Variants in RNF44 observed in about 807,000 individuals in gnomAD.
RNF44 encodes the protein ring finger protein 44.
A neutral mutation model predicts 53.6 loss-of-function variants in RNF44; 25 were observed. That is an observed-to-expected ratio of 0.47 (90% CI 0.34 to 0.65). RNF44 has a LOEUF of 0.65. Among genes scored for constraint, RNF44 ranks in the 30% least tolerant of loss-of-function variants. RNF44 has a pLI of 0.01. For missense variants in RNF44, 581 were observed against 595.5 expected (o/e 0.98, Z 0.25); for synonymous variants, 282 against 252.2 (o/e 1.12, Z -1.12).
chr5:176,530,710 G>A lies in RNF44; in HGVS notation c.673C>T (p.Arg225Cys), dbSNP rs1337040118. ...CTGCCCAGGGAGGGCTGGTCCCCAC[G>A]CAGGTCCACGTCGTTGTCGAGCCGC... Reference protein sequence around the residue: ...LQRLDNDVDLRGDQPSLGSFT... With the variant: ...LQRLDNDVDLCGDQPSLGSFT... Residue 225 changes from arginine to cysteine, a missense_variant, in exon 6 of 11, where the codon CGT becomes TGT. Transcript: ENST00000274811. 8.4e-6 allele frequency: 13 copies of A among 1,549,948 alleles called. No individual in the cohort carries two copies. The highest frequency in any genetic ancestry group is 1.7e-4 in the Middle Eastern group (1 of 5,846).
At position 176,537,377 on chromosome 5, in the gene RNF44, G is replaced by A. The variant is rs965053053; in HGVS notation, c.-482C>T. On this transcript the variant is annotated 5_prime_UTR_variant, in exon 1 of 11. Coordinates refer to ENST00000274811, the MANE Select transcript of RNF44 (RefSeq NM_014901.5). ...TCGCGGGGGCGCGCCGGGAGGCTCC[G>A]GCAAACAGTAGCCCGCTGCAAGCCC... 3.3e-5 allele frequency: 5 copies of A among 152,206 alleles called. No homozygotes were observed. The highest frequency in any genetic ancestry group is 1.2e-4 in the African/African-American group (5 of 41,450). The allele number at this position is 152,206 out of a possible 1,614,324, so 9.4% of individuals were successfully genotyped here.
upstream of RNF44, among the ~76,000 whole-genome samples, chr5:176,540,197 G>C (rs1757417354): frequency 6.6e-6 from 1 of 152,106 alleles, no homozygotes; most frequent in Non-Finnish European, 1.5e-5. Flanking sequence ...GAAGGGGTTT[G>C]GCTTTTTTAA....
upstream of RNF44, among the ~76,000 whole-genome samples, chr5:176,539,289 G>A (rs1411738030): frequency 2.0e-5 from 3 of 152,222 alleles, no homozygotes; most frequent in Non-Finnish European, 4.4e-5. Flanking sequence ...AATAAGTGTG[G>A]CTATACAAGG....
In RNF44 at chr5:176,531,367, C is replaced by T. The variant is rs1756640848; in HGVS notation, c.465+96G>A. ...TCTGACAGCCTGGATGGCTGGATAG[C>T]TCAGCCCAGTTCAGGGCTGCCCTGG... On this transcript the variant is annotated intron_variant, in intron 4 of 10. Coordinates refer to ENST00000274811, the MANE Select transcript of RNF44 (RefSeq NM_014901.5). The surrounding 1 kb of genome is among the most constrained non-coding windows in gnomAD (Gnocchi z 4.2). 3.2e-6 allele frequency: 4 copies of T among 1,255,246 alleles called. No homozygotes were observed. Among genetic ancestry groups the T allele is most frequent in the African/African-American group, 3.0e-5 (2 of 66,910 alleles). 77.8% of individuals were successfully genotyped at this position (1,255,246 alleles called of 1,614,324 possible).
chr5:176,530,719 C>T lies in RNF44; in HGVS notation c.664G>A (p.Val222Met), dbSNP rs779646033. The T allele has an allele frequency of 1.9e-5, 29 of 1,546,906 alleles. No homozygotes were observed. In the Middle Eastern group the frequency reaches 5.1e-4, roughly 27 times the overall value. ...RMPLQRLDND[V>M]DLRGDQPSLG... The stretch of plus-strand genomic sequence containing the variant: ...GAGGGCTGGTCCCCACGCAGGTCCA[C>T]GTCGTTGTCGAGCCGCTGGAGGGGC... Residue 222 changes from valine to methionine, a missense_variant, in exon 6 of 11, where the codon GTG becomes ATG. Physicochemically the swap from Val to Met is conservative, Grantham distance 21. This residue lies in a region of RNF44 where 387 missense variants were observed against 366.0 expected (regional missense o/e 1.06). Transcript: ENST00000274811.
Position 176,530,356 on chromosome 5 carries a change from C to T in RNF44, c.802-150G>A, listed in dbSNP as rs1323913214. ...CCGGTGGGCCTGCCTCCCAGCCGCC[C>T]CGGAGCCCACGTGCAAGTCAGCCCG... On this transcript the variant is annotated intron_variant, in intron 6 of 10. Coordinates refer to ENST00000274811, the MANE Select transcript of RNF44 (RefSeq NM_014901.5). The T allele has an allele frequency of 4.4e-4, 159 of 358,450 alleles. 4 individuals are homozygous for T. In the Middle Eastern group the frequency reaches 4.6e-3, roughly 10 times the overall value. 22.2% of individuals were successfully genotyped at this position (358,450 alleles called of 1,614,324 possible).
In RNF44 at chr5:176,531,683, G is replaced by C; in HGVS notation, c.298-53C>G. 6.6e-7 allele frequency: 1 copy of C among 1,524,228 alleles called. No individual in the cohort carries two copies. Among genetic ancestry groups the C allele is most frequent in the Non-Finnish European group, 8.9e-7 (1 of 1,125,748 alleles). The allele number at this position is 1,524,228 out of a possible 1,614,324, so 94.4% of individuals were successfully genotyped here. ...TATGAAAAGGAAGCTGACCGCGAGGGCTACTCTCAGGAGAAATCATCCTGC... is the reference window on the plus strand; with the variant it reads ...TATGAAAAGGAAGCTGACCGCGAGGCCTACTCTCAGGAGAAATCATCCTGC... On this transcript the variant is annotated intron_variant, in intron 3 of 10. Coordinates refer to ENST00000274811, the MANE Select transcript of RNF44 (RefSeq NM_014901.5). This position sits in a 1 kb window ranked among gnomAD's most constrained non-coding sequence, Gnocchi z 4.2.
Position 176,529,585 on chromosome 5 carries a change from T to G in RNF44, c.1074A>C (p.Ala358=). Residue 358 remains alanine, a synonymous_variant, in exon 9 of 11, where the codon GCA becomes GCC. Coordinates refer to ENST00000274811, the MANE Select transcript of RNF44 (RefSeq NM_014901.5). ...GDAKPRGLTK[A]DIEQLPSYRF... ...GGTACGACGGGAGCTGCTCTATGTC[T>G]GCTTTGGTGAGACCCCGGGGCTTGG... The G allele has an allele frequency of 6.2e-7, 1 of 1,614,024 alleles. No individual in the cohort carries two copies. The highest frequency in any genetic ancestry group is 8.5e-7 in the Non-Finnish European group (1 of 1,180,026).
intron 1 of RNF44, among the ~76,000 whole-genome samples, chr5:176,533,048 G>A (rs1183180680): frequency 6.6e-6 from 1 of 152,214 alleles, no homozygotes. Context: ...GGCTCCTGCT[G>A]GGCGGGGTCT....
At position 176,532,517 on chromosome 5, in the gene RNF44, C is replaced by T. The variant is rs746810538; in HGVS notation, c.-44-1G>A. The T allele has an allele frequency of 2.0e-6, 3 of 1,504,478 alleles. No individual in the cohort carries two copies. In the South Asian group the frequency reaches 3.8e-5, roughly 19 times the overall value. The allele number at this position is 1,504,478 out of a possible 1,614,324, so 93.2% of individuals were successfully genotyped here. The stretch of plus-strand genomic sequence containing the variant: ...AGGGGCTGGGCCGGGACTCACAACC[C>T]TAGGAGGCAAGGAGACAAGAAGACT... On this transcript the variant is annotated splice_acceptor_variant, in intron 1 of 10. Coordinates refer to ENST00000274811, the MANE Select transcript of RNF44 (RefSeq NM_014901.5). LOFTEE classifies it low-confidence loss of function (5UTR_SPLICE).
chr5:176,531,767 G>T lies in RNF44; in HGVS notation c.298-137C>A. The T allele has an allele frequency of 2.1e-6, 2 of 958,160 alleles. No homozygotes were observed. The highest frequency in any genetic ancestry group is 3.0e-6 in the Non-Finnish European group (2 of 659,064). 59.4% of individuals were successfully genotyped at this position (958,160 alleles called of 1,614,324 possible). On this transcript the variant is annotated intron_variant, in intron 3 of 10. Transcript: ENST00000274811. This position sits in a 1 kb window ranked among gnomAD's most constrained non-coding sequence, Gnocchi z 4.2. ...CGGCGGCCTACCTCAGTGCAGACCA[G>T]ACTGTGCCTCTACTCCCAGGCCCCC...
intron 1 of RNF44, among the ~76,000 whole-genome samples, chr5:176,534,738 G>T (rs150743115): frequency 6.6e-6 from 1 of 152,204 alleles, no homozygotes; most frequent in African/African-American, 2.4e-5. Flanking sequence ...CTGTTTCCCC[G>T]GCGCCAACTT....
Position 176,532,196 on chromosome 5 carries a change from G to A in RNF44, c.108-3C>T, listed in dbSNP as rs912297891. On this transcript the variant is annotated splice_region_variant and splice_polypyrimidine_tract_variant and intron_variant, in intron 2 of 10. Transcript: ENST00000274811. ...CCAGGGGGCCCTCGAGGCCAGGGCT[G>A]CACCACAGAGAGGAGGCCCCGATAG... is the stretch of plus-strand genomic sequence containing the variant. 4.6e-6 allele frequency: 7 copies of A among 1,513,428 alleles called. No individual in the cohort carries two copies. The African/African-American group carries it at 6.9e-5, about 15-fold the overall frequency. 93.7% of individuals were successfully genotyped at this position (1,513,428 alleles called of 1,614,324 possible).
Position 176,531,878 on chromosome 5 carries a change from A to G in RNF44, c.297+126T>C, listed in dbSNP as rs1049379097. Reference sequence around the variant, plus strand: ...CGGGCCTCAGTTTACCTACCTGTAAAGCAGGGCCAATAATGCCTCCCTGGA... The same window carrying G: ...CGGGCCTCAGTTTACCTACCTGTAAGGCAGGGCCAATAATGCCTCCCTGGA... On this transcript the variant is annotated intron_variant, in intron 3 of 10. Coordinates refer to ENST00000274811, the MANE Select transcript of RNF44 (RefSeq NM_014901.5). The surrounding 1 kb of genome is among the most constrained non-coding windows in gnomAD (Gnocchi z 4.2). The G allele has an allele frequency of 5.3e-5, 58 of 1,099,344 alleles. 1 individual carries two copies. The Middle Eastern group carries it at 9.6e-4, about 18-fold the overall frequency. The allele number at this position is 1,099,344 out of a possible 1,614,324, so 68.1% of individuals were successfully genotyped here.
At chr5:176,535,113 TCA>T (rs1056582861) in intron 1 of RNF44, among the ~76,000 whole-genome samples, 7 of 152,180 alleles carry the variant, frequency 4.6e-5, no homozygotes, top group African/African-American at 1.7e-4. Context: ...ATGTCAGCCC[TCA>T]CAGACTCACA....
At chr5:176,542,188 A>C (rs960963434), upstream of RNF44, among the ~76,000 whole-genome samples, 4 of 152,136 alleles carry the variant, frequency 2.6e-5, no homozygotes, top group Non-Finnish European at 5.9e-5. Flanking sequence ...CGGGTGATCG[A>C]TAATAACTAG....
In RNF44 at chr5:176,530,571, G is replaced by A; in HGVS notation, c.801+11C>T. 1.4e-6 allele frequency: 2 copies of A among 1,422,360 alleles called. No homozygotes were observed. The highest frequency in any genetic ancestry group is 3.0e-5 in the East Asian group (1 of 33,468). The allele number at this position is 1,422,360 out of a possible 1,614,324, so 88.1% of individuals were successfully genotyped here. ...CCCTGGAGCCCAGGTGGGGGTCGGG[G>A]TGGCACTCACCACACCAAAGGACAG... On this transcript the variant is annotated intron_variant, in intron 6 of 10. Transcript: ENST00000274811.
chr5:176,534,855 C>T (rs1249456246), intron 1 of RNF44, among the ~76,000 whole-genome samples: 1 of 152,236 alleles, frequency 6.6e-6, no homozygotes, highest in Admixed American at 6.5e-5. Flanking sequence ...ATGACCTAAG[C>T]AGTCTGGCCA....
rs1038986531 is a variant in RNF44 at position 176,526,782 on chromosome 5, T to A, written c.*2246A>T. 1.3e-5 allele frequency: 2 copies of A among 152,394 alleles called. No homozygotes were observed. The highest frequency in any genetic ancestry group is 2.9e-5 in the Non-Finnish European group (2 of 68,004). 9.4% of individuals were successfully genotyped at this position (152,394 alleles called of 1,614,324 possible). A position where few individuals can be genotyped will look rare whatever the true frequency, so the allele number is the denominator to read the frequency against. On this transcript the variant is annotated 3_prime_UTR_variant, in exon 11 of 11. Coordinates refer to ENST00000274811, the MANE Select transcript of RNF44 (RefSeq NM_014901.5). ...GCAACAATATTAAAAAAAATAATGA[T>A]TGCACTACTTGGTCAAGCAGAACTA...
Sources: gnomAD v4.1 joint callset for allele counts (sites outside exome capture counted in the v4.1 genomes callset) on GRCh38, gnomAD v4.1.1 for gene constraint, gnomAD v4.1.1 regional missense constraint, Gnocchi (gnomAD v3.1) non-coding constraint, MANE v1.5 for transcripts, NCBI Gene and HGNC (gene_info 2026-07-23, HGNC 2026-07-21) for gene names.